EPHB6: variants seen among roughly 807,000 people sequenced by gnomAD.
The protein encoded by EPHB6 is EPH receptor B6, also known as ephrin type-B receptor 6.
Under a neutral mutation model 107.0 loss-of-function variants are expected in EPHB6, and 51 were observed. The ratio of observed to expected loss-of-function variants is 0.48; its 90% CI spans 0.38 to 0.60. The LOEUF (loss-of-function observed/expected upper bound fraction) is 0.60, where lower values mean the gene tolerates loss of function less well. Among genes scored for constraint, EPHB6 ranks in the 20% least tolerant of loss-of-function variants. The pLI is 0.00. For synonymous variants in EPHB6, 553 were observed against 549.0 expected, an observed-to-expected ratio of 1.01 and a Z score of -0.10; for missense variants, 1,141 against 1,355.5, an observed-to-expected ratio of 0.84 and a Z score of 2.48.
rs149014862 is a variant in EPHB6, at chr7:142,870,364, C to T, written c.2761C>T (p.Arg921Cys). ...GGTGGCTGCATTTGACAAGATGATCCGCAAGCCAGATACCCTGCAGGCTGG... is the reference window on the plus strand; with the variant it reads ...GGTGGCTGCATTTGACAAGATGATCTGCAAGCCAGATACCCTGCAGGCTGG... ...QLVAAFDKMIRKPDTLQAGGD... is the reference protein window; with the variant it reads ...QLVAAFDKMICKPDTLQAGGD... Residue 921 changes from arginine (R) to cysteine (C), a missense_variant, in exon 18 of 20, where the codon CGC (arginine) becomes TGC (cysteine). Arg to Cys is a radical substitution (Grantham distance 180, BLOSUM62 -3). Coordinates refer to ENST00000652003, the MANE Select transcript of EPHB6 (RefSeq NM_004445.6). The T allele has an allele frequency of 1.2e-4, 190 of 1,614,210 alleles. 1 individual carries two copies. The highest frequency in any genetic ancestry group is 3.9e-4 in the African/African-American group (29 of 75,074).
In EPHB6 at chr7:142,868,102, C is replaced by T. The variant is rs1794704051; in HGVS notation, c.1918+53C>T. On this transcript the variant is annotated intron_variant, in intron 13 of 19. Transcript: ENST00000652003. The surrounding 1 kb of genome is among the most constrained non-coding windows in gnomAD (Gnocchi z 4.2). ...GGCTGGGGAACACATGGGTGGGGCA[C>T]ATGGCAGGCAAGGCTGGATCCCCCC... 2.5e-6 allele frequency: 4 copies of T among 1,613,398 alleles called. No individual in the cohort carries two copies. The highest frequency in any genetic ancestry group is 4.5e-5 in the East Asian group (2 of 44,874).
Position 142,866,986 on chromosome 7 carries a change from C to A in EPHB6, c.1668C>A (p.Ile556=), listed in dbSNP as rs745596375. The change falls in exon 11 of 20, where the codon ATC becomes ATA. Residue 556 remains isoleucine, a synonymous_variant. Coordinates refer to ENST00000652003, the MANE Select transcript of EPHB6 (RefSeq NM_004445.6). This position sits in a 1 kb window ranked among gnomAD's most constrained non-coding sequence, Gnocchi z 5.2. The part of the protein sequence containing the change: ...ATVTQLSPGH[I]YGFQVRARTA... ...TGACACAGCTGAGCCCTGGCCACATCTATGGTTTCCAGGTGCGGGCCCGGA... is the reference window on the plus strand; with the variant it reads ...TGACACAGCTGAGCCCTGGCCACATATATGGTTTCCAGGTGCGGGCCCGGA... 3 of 1,613,940 alleles carry A rather than the reference C, an allele frequency of 1.9e-6. No homozygotes were observed. The highest frequency in any genetic ancestry group is 2.5e-6 in the Non-Finnish European group (3 of 1,180,032).
intron 19 of EPHB6, 22 bp from the exon 20 acceptor site, chr7:142,870,774 T>G: frequency 6.2e-7 from 1 of 1,614,102 alleles, no homozygotes; most frequent in Non-Finnish European, 8.5e-7. Flanking sequence ...GGCCCAGATT[T>G]GATCCCTTCC....
Position 142,870,521 on chromosome 7 carries a change from C to G in EPHB6, c.2805-9C>G, listed in dbSNP as rs368142235. 2.3e-4 allele frequency: 374 copies of G among 1,614,070 alleles called. No individual in the cohort carries two copies. Among genetic ancestry groups the G allele is most frequent in the Non-Finnish European group, 3.1e-4 (362 of 1,180,056 alleles). On this transcript the variant is annotated splice_polypyrimidine_tract_variant and intron_variant, in intron 18 of 19. Coordinates refer to ENST00000652003, the MANE Select transcript of EPHB6 (RefSeq NM_004445.6). ...GAGACCTTGACCCTGCTTGCCCCTC[C>G]CCTCTTAGGCCTTCCCAGGCCCTTC...
chr7:142,864,783 C>T, intron 7 of EPHB6, 34 bp downstream of exon 7: 1 of 1,611,172 alleles, frequency 6.2e-7, no homozygotes, highest in East Asian at 2.2e-5. Flanking sequence ...TTGCCCGACA[C>T]CTCCCACCCA....
In EPHB6 at chr7:142,867,965, G is replaced by A. The variant is rs8177156; in HGVS notation, c.1866-32G>A. 18,503 of 1,556,854 alleles carry A rather than the reference G, an allele frequency of 0.012. 160 individuals are homozygous for A. The highest frequency in any genetic ancestry group is 0.022 in the Middle Eastern group (101 of 4,524). ...GGGCAGCAAGGGGGTGGAAATGGGAGCGTCATCCCCAGTCACCGTTTTGTT... is the reference window on the plus strand; with the variant it reads ...GGGCAGCAAGGGGGTGGAAATGGGAACGTCATCCCCAGTCACCGTTTTGTT... On this transcript the variant is annotated intron_variant, in intron 12 of 19. Coordinates refer to ENST00000652003, the MANE Select transcript of EPHB6 (RefSeq NM_004445.6). This position sits in a 1 kb window ranked among gnomAD's most constrained non-coding sequence, Gnocchi z 5.3.
chr7:142,863,880 G>A, intron 6 of EPHB6, 86 bp from the exon 7 acceptor site: 1 of 1,583,864 alleles, frequency 6.3e-7, no homozygotes, highest in Non-Finnish European at 8.7e-7. Context: ...AGTCTCAGTG[G>A]AAGAGATATG....
In EPHB6 at chr7:142,864,297, CCT is replaced by C; in HGVS notation, c.499_500del (p.Ser167LeufsTer157). On this transcript the variant is annotated frameshift_variant, in exon 7 of 20. Coordinates refer to ENST00000652003, the MANE Select transcript of EPHB6 (RefSeq NM_004445.6). LOFTEE classifies it high-confidence loss of function. The stretch of plus-strand genomic sequence containing the variant: ...ATTGCAGCAGACGAGAGCTTTCCCT[CCT>C]CCTCCTCCTCCTCCTCCTCCTCTTC... 1 of 866,336 alleles carries C rather than the reference CCT, an allele frequency of 1.2e-6. No individual in the cohort carries two copies. The highest frequency in any genetic ancestry group is 1.7e-5 in the South Asian group (1 of 60,466). The allele number at this position is 866,336 out of a possible 1,614,324, so 53.7% of individuals were successfully genotyped here. A position where few individuals can be genotyped will look rare whatever the true frequency, so the allele number is the denominator to read the frequency against.
chr7:142,867,650 TC>T lies in EPHB6; in HGVS notation c.1794del (p.Ile598MetfsTer46). ...CTTCCAGAAAGACTCTCCTTGGTGA[TC>T]GGCTCCATCCTGGGGGCTTTGGCCT... is the stretch of plus-strand genomic sequence containing the variant. ...SQLPERLSLV[I>X]GSILGALAFL... is the part of the protein sequence containing the mutation. On this transcript the variant is annotated frameshift_variant, in exon 12 of 20. Coordinates refer to ENST00000652003, the MANE Select transcript of EPHB6 (RefSeq NM_004445.6). LOFTEE classifies it high-confidence loss of function. This position sits in a 1 kb window ranked among gnomAD's most constrained non-coding sequence, Gnocchi z 5.3. The T allele has an allele frequency of 6.2e-7, 1 of 1,613,656 alleles. No homozygotes were observed. The highest frequency in any genetic ancestry group is 8.5e-7 in the Non-Finnish European group (1 of 1,179,960).
At chr7:142,857,570 T>C (rs1002938672) in intron 1 of EPHB6, among the ~76,000 whole-genome samples, 14 of 152,208 alleles carry the variant, frequency 9.2e-5, no homozygotes, top group African/African-American at 3.4e-4. Flanking sequence ...CTCACAGGTG[T>C]AAGGACCAGC....
intron 1 of EPHB6, among the ~76,000 whole-genome samples, chr7:142,858,776 T>A (rs1802722673): frequency 6.6e-6 from 1 of 152,122 alleles, no homozygotes. Context: ...ATTCTACAAA[T>A]CTTTACTTTT....
chr7:142,867,138 T>C lies in EPHB6; in HGVS notation c.1750+70T>C. On this transcript the variant is annotated intron_variant, in intron 11 of 19. Coordinates refer to ENST00000652003, the MANE Select transcript of EPHB6 (RefSeq NM_004445.6). This position sits in a 1 kb window ranked among gnomAD's most constrained non-coding sequence, Gnocchi z 5.3. Reference sequence around the variant, plus strand: ...GGGTAGTGAGGAGAGGCCCAGGGACTGTCCGGCCTTGAACCCTGGCCCCGT... The same window carrying C: ...GGGTAGTGAGGAGAGGCCCAGGGACCGTCCGGCCTTGAACCCTGGCCCCGT... 1 of 1,559,858 alleles carries C rather than the reference T, an allele frequency of 6.4e-7. No homozygotes were observed. Among genetic ancestry groups the C allele is most frequent in the Non-Finnish European group, 8.7e-7 (1 of 1,153,144 alleles).
In EPHB6 at chr7:142,868,469, C is replaced by T; in HGVS notation, c.2039-23C>T. The T allele has an allele frequency of 6.2e-7, 1 of 1,614,138 alleles. No individual in the cohort carries two copies. The highest frequency in any genetic ancestry group is 1.3e-5 in the African/African-American group (1 of 75,032). On this transcript the variant is annotated intron_variant, in intron 14 of 19. Coordinates refer to ENST00000652003, the MANE Select transcript of EPHB6 (RefSeq NM_004445.6). The surrounding 1 kb of genome is among the most constrained non-coding windows in gnomAD (Gnocchi z 4.2). ...GACGCTGTGAGCCTTGATCCCCACC[C>T]CAACCTACACCTATTTTCCCAGGCT...
In EPHB6 at chr7:142,867,071, G is replaced by A. The variant is rs753935552; in HGVS notation, c.1750+3G>A. ...CTATTTCCAGACACTTCCTCAAGGT[G>A]AGCGGGGGTCAAGGGCCAGATGGGC... is the stretch of plus-strand genomic sequence containing the variant. On this transcript the variant is annotated splice_donor_region_variant and intron_variant, in intron 11 of 19. Transcript: ENST00000652003. This position sits in a 1 kb window ranked among gnomAD's most constrained non-coding sequence, Gnocchi z 5.3. The A allele has an allele frequency of 8.7e-6, 14 of 1,612,498 alleles. No individual in the cohort carries two copies. The Admixed American group carries it at 2.0e-4, about 23-fold the overall frequency.
chr7:142,865,837 C>A, intron 8 of EPHB6, 123 bp from the exon 9 acceptor site: 1 of 1,185,530 alleles, frequency 8.4e-7, no homozygotes, highest in Non-Finnish European at 1.2e-6. Context: ...GGGCTACCCC[C>A]ACCCCACGCT....
chr7:142,868,431 C>T lies in EPHB6; in HGVS notation c.2039-61C>T. 1 of 1,614,000 alleles carries T rather than the reference C, an allele frequency of 6.2e-7. No homozygotes were observed. Among genetic ancestry groups the T allele is most frequent in the Non-Finnish European group, 8.5e-7 (1 of 1,179,890 alleles). On this transcript the variant is annotated intron_variant, in intron 14 of 19. Coordinates refer to ENST00000652003, the MANE Select transcript of EPHB6 (RefSeq NM_004445.6). The surrounding 1 kb of genome is among the most constrained non-coding windows in gnomAD (Gnocchi z 4.2). ...TGGCCTCCGCTGGCCAGAGTCCCAT[C>T]CAAACACAGCAGGACGCTGTGAGCC...
rs1400827489 is a variant in EPHB6 at position 142,869,934 on chromosome 7, G to A, written c.2578G>A (p.Glu860Lys). Residue 860 changes from glutamate (E) to lysine (K), a missense_variant, in exon 17 of 20, where the codon GAA (glutamate) becomes AAA (lysine). Transcript: ENST00000652003. This position sits in a 1 kb window ranked among gnomAD's most constrained non-coding sequence, Gnocchi z 4.5. The part of the protein sequence containing the change: ...ILMWEVMSYG[E>K]RPYWDMSEQE... ...CATGTGGGAAGTGATGAGTTATGGA[G>A]AACGGCCTTACTGGGACATGAGTGA... is the stretch of plus-strand genomic sequence containing the variant. 4 of 1,614,080 alleles carry A rather than the reference G, an allele frequency of 2.5e-6. No homozygotes were observed. The highest frequency in any genetic ancestry group is 3.3e-5 in the Admixed American group (2 of 60,006).
chr7:142,864,037 G>T lies in EPHB6; in HGVS notation c.237G>T (p.Gly79=), dbSNP rs750820390. The T allele has an allele frequency of 9.9e-6, 16 of 1,613,998 alleles. No individual in the cohort carries two copies. The highest frequency in any genetic ancestry group is 5.0e-5 in the Admixed American group (3 of 60,006). The change falls in exon 7 of 20, where the codon GGG becomes GGT. Residue 79 remains glycine (G), a synonymous_variant. Transcript: ENST00000652003. ...TRTFEACHVA[G]APPGTGQDNW... is the part of the protein sequence containing the mutation. ...CCTTTGAGGCATGTCATGTGGCAGGGGCCCCTCCAGGCACCGGGCAGGACA... is the reference window on the plus strand; with the variant it reads ...CCTTTGAGGCATGTCATGTGGCAGGTGCCCCTCCAGGCACCGGGCAGGACA...
At position 142,865,605 on chromosome 7, in the gene EPHB6, C is replaced by A; in HGVS notation, c.1080C>A (p.Ser360=). ...TGGAGGGCTTCTACCGGGCCAGTTCCGACCCACCAGAGGCCCCCTGCACTG... is the reference window on the plus strand; with the variant it reads ...TGGAGGGCTTCTACCGGGCCAGTTCAGACCCACCAGAGGCCCCCTGCACTG... ...PCLEGFYRAS[S]DPPEAPCTGP... Residue 360 remains serine (S), a synonymous_variant, in exon 8 of 20, where the codon TCC becomes TCA. Coordinates refer to ENST00000652003, the MANE Select transcript of EPHB6 (RefSeq NM_004445.6). The A allele has an allele frequency of 6.2e-7, 1 of 1,613,684 alleles. No homozygotes were observed. Among genetic ancestry groups the A allele is most frequent in the African/African-American group, 1.3e-5 (1 of 75,040 alleles).
Sources: gnomAD v4.1 joint callset for allele counts (sites outside exome capture counted in the v4.1 genomes callset) on GRCh38, gnomAD v4.1.1 for gene constraint, Gnocchi (gnomAD v3.1) non-coding constraint, MANE v1.5 for transcripts, NCBI Gene and HGNC (gene_info 2026-07-23, HGNC 2026-07-21) for gene names.